ZC3H12B: variants seen among roughly 807,000 people sequenced by gnomAD.
The protein encoded by ZC3H12B is probable ribonuclease ZC3H12B.
ZC3H12B carries 7 observed loss-of-function variants against 43.9 expected under a neutral mutation model. That is an observed-to-expected ratio of 0.16 (90% CI 0.09 to 0.30). ZC3H12B has a LOEUF of 0.30. Among genes scored for constraint, ZC3H12B ranks in the 10% least tolerant of loss-of-function variants. The pLI, the probability that ZC3H12B is intolerant of heterozygous loss-of-function variation, is 1.00. For missense variants in ZC3H12B, 475 were observed against 670.2 expected, an observed-to-expected ratio of 0.71 and a Z score of 3.22; for synonymous variants, 222 against 241.7, an observed-to-expected ratio of 0.92 and a Z score of 0.76.
chrX:65,191,006 G>A, the ZC3H12B span, among the ~76,000 whole-genome samples: 1 of 87,170 alleles, frequency 1.1e-5, no homozygotes, highest in African/African-American at 5.3e-5. Flanking sequence ...TTTTTAGCAT[G>A]AAGGGTTGTT....
chrX:65,241,700 G>T, the ZC3H12B span, among the ~76,000 whole-genome samples: 1 of 112,577 alleles, frequency 8.9e-6, no homozygotes, highest in Admixed American at 9.4e-5. Context: ...CTAACCACAG[G>T]AATGGCAGCC....
At chrX:65,466,915 A>AAC (rs1320106217) in intron 3 of ZC3H12B, among the ~76,000 whole-genome samples, 4 of 23,932 alleles carry the variant, frequency 1.7e-4, no homozygotes, top group Non-Finnish European at 3.2e-4. Flanking sequence ...TATAAAACCA[A>AAC]ATATATATAT....
At chrX:65,186,351 G>T in the ZC3H12B span, 1 of 108,726 alleles carries the variant, frequency 9.2e-6, no homozygotes, top group Non-Finnish European at 1.9e-5. Context: ...AATTAGTCGG[G>T]CATGGTGGAG....
At chrX:65,076,080 A>T in the ZC3H12B span, among the ~76,000 whole-genome samples, 6 of 110,873 alleles carry the variant, frequency 5.4e-5, no homozygotes, top group Non-Finnish European at 1.1e-4. Context: ...TTCTGACTTT[A>T]TCTATTCTGC....
At chrX:65,314,160 G>A in the ZC3H12B span, among the ~76,000 whole-genome samples, 4 of 110,647 alleles carry the variant, frequency 3.6e-5, no homozygotes, top group Admixed American at 3.9e-4. Context: ...AGATACTCAG[G>A]GACATGTGGA....
chrX:65,469,957 A>C (rs759441316), intron 3 of ZC3H12B: 2 of 112,116 alleles, frequency 1.8e-5, no homozygotes, highest in Admixed American at 1.9e-4. Context: ...CGACAGAGTG[A>C]GACTCCATAT....
intron 2 of ZC3H12B, 77 bp downstream of exon 4, chrX:65,369,075 A>G (rs371268754): frequency 8.9e-6 from 1 of 111,945 alleles, no homozygotes; most frequent in African/African-American, 3.2e-5. Context: ...TAATCTGTGT[A>G]ATATGAAAAG....
In ZC3H12B at chrX:65,502,670, C is replaced by CA; in HGVS notation, c.1973dup (p.His658GlnfsTer46). The CA allele has an allele frequency of 8.3e-7, 1 of 1,209,890 alleles. No individual in the cohort carries two copies. The highest frequency in any genetic ancestry group is 1.1e-6 in the Non-Finnish European group (1 of 894,687). ...AGGCCCCCACAAACAGTCAGTCCCC[C>CA]ACTTAGCTCTGCATGCCCAGCACCC... On this transcript the variant is annotated frameshift_variant, in exon 5 of 5. Coordinates refer to ENST00000338957, the Ensembl canonical transcript of ZC3H12B. LOFTEE classifies it high-confidence loss of function.
chrX:65,214,972 T>C, the ZC3H12B span, among the ~76,000 whole-genome samples: 12 of 111,863 alleles, frequency 1.1e-4, no homozygotes, highest in African/African-American at 3.9e-4. Flanking sequence ...CCATCAGAGT[T>C]ATTGAGTGTC....
chrX:65,436,545 T>C (rs1186046924), intron 3 of ZC3H12B, among the ~76,000 whole-genome samples: 1 of 112,169 alleles, frequency 8.9e-6, no homozygotes, highest in Non-Finnish European at 1.9e-5. Flanking sequence ...CAGAAATAAT[T>C]CTTTACCAGC....
chrX:65,374,823 A>T (rs1186895403), intron 2 of ZC3H12B, among the ~76,000 whole-genome samples: 1 of 111,321 alleles, frequency 9.0e-6, no homozygotes, highest in Non-Finnish European at 1.9e-5. Flanking sequence ...AGACGTGTCC[A>T]GCAAAGGGGG....
the ZC3H12B span, among the ~76,000 whole-genome samples, chrX:65,301,707 A>T: frequency 3.6e-5 from 4 of 111,069 alleles, no homozygotes; most frequent in African/African-American, 1.3e-4. Context: ...AACTTGGGGT[A>T]AAAGGTGGGA....
the ZC3H12B span, among the ~76,000 whole-genome samples, chrX:65,254,452 T>G: frequency 8.9e-6 from 1 of 112,527 alleles, no homozygotes; most frequent in Non-Finnish European, 1.9e-5. Flanking sequence ...AGCTGAGCCT[T>G]GATCTGATAA....
At chrX:65,226,723 G>T in the ZC3H12B span, among the ~76,000 whole-genome samples, 7 of 111,052 alleles carry the variant, frequency 6.3e-5, no homozygotes, top group African/African-American at 2.3e-4. Flanking sequence ...AAAGGCAGGG[G>T]TTGCAATCCT....
chrX:65,428,528 C>T (rs1326208406), intron 3 of ZC3H12B, among the ~76,000 whole-genome samples: 1 of 112,343 alleles, frequency 8.9e-6, no homozygotes, highest in African/African-American at 3.2e-5. Flanking sequence ...AGATTCTTTC[C>T]TCCATTTGGT....
chrX:65,347,022 T>A, the ZC3H12B span, among the ~76,000 whole-genome samples: 1 of 112,070 alleles, frequency 8.9e-6, no homozygotes, highest in East Asian at 2.8e-4. Context: ...TACCTCCCAC[T>A]AGGGGCCGAC....
chrX:65,045,792 C>A, the ZC3H12B span, among the ~76,000 whole-genome samples: 1 of 112,160 alleles, frequency 8.9e-6, no homozygotes, highest in African/African-American at 3.2e-5. Context: ...GCCGTAGATT[C>A]ATGAAATGTA....
At position 65,476,981 on chromosome X, in the gene ZC3H12B, C is replaced by A. The variant is rs941614576; in HGVS notation, n.408-11665C>A. Among the ~76,000 whole-genome samples, 37 of 102,283 alleles carry A rather than the reference C, an allele frequency of 3.6e-4. 1 individual carries two copies. The highest frequency in any genetic ancestry group is 5.8e-4 in the Non-Finnish European group (30 of 51,812). The allele number at this position is 102,283 out of a possible 115,157, so 88.8% of individuals were successfully genotyped here. A position where few individuals can be genotyped will look rare whatever the true frequency, so the allele number is the denominator to read the frequency against. On this transcript the variant is annotated intron_variant and non_coding_transcript_variant, in intron 3 of 5. Transcript: ENST00000617377. ...GGACTACAGACATGCACCATCACTCCTGACTAATTTTTTTTTTTTTTTTTG... is the reference window on the plus strand; with the variant it reads ...GGACTACAGACATGCACCATCACTCATGACTAATTTTTTTTTTTTTTTTTG...
the ZC3H12B span, among the ~76,000 whole-genome samples, chrX:65,251,224 G>T: frequency 5.7e-4 from 64 of 111,593 alleles, no homozygotes; most frequent in Admixed American, 6.0e-3. Context: ...TTTTTGTCAG[G>T]TTTGTCAAAG....
Sources: gnomAD v4.1 joint callset for allele counts (sites outside exome capture counted in the v4.1 genomes callset) on GRCh38, gnomAD v4.1.1 for gene constraint, MANE v1.5 for transcripts, NCBI Gene and HGNC (gene_info 2026-07-23, HGNC 2026-07-21) for gene names.